The following ARHGAP31 variants were observed in gnomAD, a reference collection of about 807,000 sequenced individuals.
ARHGAP31 encodes Rho GTPase activating protein 31, also known as rho GTPase-activating protein 31.
Under a neutral mutation model 113.9 loss-of-function variants are expected in ARHGAP31, and 34 were observed. The observed-to-expected ratio is 0.30, with a 90% CI of 0.23 to 0.40. ARHGAP31 has a LOEUF of 0.40. Among genes scored for constraint, ARHGAP31 ranks in the 10% least tolerant of loss-of-function variants. The pLI, the probability that ARHGAP31 is intolerant of heterozygous loss-of-function variation, is 1.00. For synonymous variants in ARHGAP31, 650 were observed against 684.8 expected, an observed-to-expected ratio of 0.95 and a Z score of 0.79; for missense variants, 1,548 against 1,767.1, an observed-to-expected ratio of 0.88 and a Z score of 2.22.
chr3:119,294,845 A>T lies in ARHGAP31; in HGVS notation c.-60A>T. On this transcript the variant is annotated 5_prime_UTR_variant, in exon 1 of 12. Coordinates refer to ENST00000264245, the MANE Select transcript of ARHGAP31 (RefSeq NM_020754.4). ...GTGATCTAGCCCGGGAGCCCATCTTACAGCGGTGCCAAGCAGAGGGGCGGC... is the reference window on the plus strand; with the variant it reads ...GTGATCTAGCCCGGGAGCCCATCTTTCAGCGGTGCCAAGCAGAGGGGCGGC... The T allele has an allele frequency of 6.7e-7, 1 of 1,497,964 alleles. No homozygotes were observed. The highest frequency in any genetic ancestry group is 9.3e-7 in the Non-Finnish European group (1 of 1,075,302). 92.8% of individuals were successfully genotyped at this position (1,497,964 alleles called of 1,614,324 possible).
chr3:119,320,530 C>A lies in ARHGAP31; in HGVS notation c.100+25526C>A, dbSNP rs191732488. Among the ~76,000 whole-genome samples the A allele has an allele frequency of 6.6e-5, 10 of 152,284 alleles. No individual in the cohort carries two copies. The East Asian group carries it at 9.7e-4, about 15-fold the overall frequency. On this transcript the variant is annotated intron_variant, in intron 1 of 11. Transcript: ENST00000264245. Reference sequence around the variant, plus strand: ...ATATTATCCTGATAAATACAGTAAACCCATTGTAAACAAAACTTTTCATGA... The same window carrying A: ...ATATTATCCTGATAAATACAGTAAAACCATTGTAAACAAAACTTTTCATGA...
chr3:119,373,700 G>A (rs375752019), intron 3 of ARHGAP31, among the ~76,000 whole-genome samples: 6 of 152,090 alleles, frequency 3.9e-5, no homozygotes, highest in Non-Finnish European at 7.4e-5. Context: ...CTGACCTCAG[G>A]TGATCCACCT....
At chr3:119,378,182 C>T (rs6803082) in intron 3 of ARHGAP31, among the ~76,000 whole-genome samples, 1 of 152,114 alleles carries the variant, frequency 6.6e-6, no homozygotes, top group African/African-American at 2.4e-5. Flanking sequence ...AATTCTCTCA[C>T]AGGCAAAAAA....
chr3:119,337,184 C>T (rs2079960713), intron 1 of ARHGAP31, among the ~76,000 whole-genome samples: 1 of 152,162 alleles, frequency 6.6e-6, no homozygotes, highest in Non-Finnish European at 1.5e-5. Flanking sequence ...TGTTACAGTT[C>T]TTAGAGACGG....
At chr3:119,302,139 C>T (rs2079589813) in intron 1 of ARHGAP31, among the ~76,000 whole-genome samples, 1 of 152,228 alleles carries the variant, frequency 6.6e-6, no homozygotes, top group Non-Finnish European at 1.5e-5. Flanking sequence ...CCCCTATGCA[C>T]CAACAGAAAT....
rs567298836 is a variant in ARHGAP31 at position 119,379,775 on chromosome 3, T to C, written c.349-1129T>C. Among the ~76,000 whole-genome samples, 48 of 152,300 alleles carry C rather than the reference T, an allele frequency of 3.2e-4. 1 individual carries two copies. The South Asian group carries it at 9.5e-3, about 30-fold the overall frequency. On this transcript the variant is annotated intron_variant, in intron 3 of 11. Transcript: ENST00000264245. Reference sequence around the variant, plus strand: ...GGTGTATACATATGAAAAAAACTCATGGAGCTATAGCTTAAGATCTGCACA... The same window carrying C: ...GGTGTATACATATGAAAAAAACTCACGGAGCTATAGCTTAAGATCTGCACA...
chr3:119,295,601 C>A (rs1237575750), intron 1 of ARHGAP31, among the ~76,000 whole-genome samples: 1 of 152,004 alleles, frequency 6.6e-6, no homozygotes, highest in Non-Finnish European at 1.5e-5. Context: ...CCCTCCCCGC[C>A]CTGCAAGACC....
rs755514401 is a variant in ARHGAP31, at chr3:119,415,612, C to T, written c.3683C>T (p.Pro1228Leu). Reference sequence around the variant, plus strand: ...AGCTCAGGGGAGAATGGGGTTCAGCCTCTGGAGAGGAGCCAGGAGGGACCC... The same window carrying T: ...AGCTCAGGGGAGAATGGGGTTCAGCTTCTGGAGAGGAGCCAGGAGGGACCC... Reference protein sequence around the residue: ...SQSSGENGVQPLERSQEGPSS... With the variant: ...SQSSGENGVQLLERSQEGPSS... Residue 1228 changes from proline to leucine, a missense_variant, in exon 12 of 12, where the codon CCT becomes CTT. Transcript: ENST00000264245. The T allele has an allele frequency of 6.2e-6, 10 of 1,614,142 alleles. No individual in the cohort carries two copies. Among genetic ancestry groups the T allele is most frequent in the Middle Eastern group, 1.6e-4 (1 of 6,062 alleles).
Position 119,415,735 on chromosome 3 carries a change from C to T in ARHGAP31, c.3806C>T (p.Ala1269Val), listed in dbSNP as rs926263004. The T allele has an allele frequency of 6.2e-7, 1 of 1,614,160 alleles. No homozygotes were observed. The highest frequency in any genetic ancestry group is 1.1e-5 in the South Asian group (1 of 91,078). The change falls in exon 12 of 12, where the codon GCC (alanine) becomes GTC (valine). Residue 1269 changes from alanine to valine, a missense_variant. Physicochemically the swap from Ala to Val is moderately conservative, Grantham distance 64. Transcript: ENST00000264245. ...GAAAAACCAAAGCAAGATCCCGGAG[C>T]CATTAAGTCCTCACCAGTGGATGCC... ...KEEKPKQDPG[A>V]IKSSPVDATA...
intron 1 of ARHGAP31, among the ~76,000 whole-genome samples, chr3:119,350,532 G>A (rs1418564645): frequency 6.6e-6 from 1 of 152,164 alleles, no homozygotes; most frequent in African/African-American, 2.4e-5. Context: ...TACAGCCTGG[G>A]AAACCAGAGG....
At position 119,382,287 on chromosome 3, in the gene ARHGAP31, T is replaced by C; in HGVS notation, c.432-5T>C. On this transcript the variant is annotated splice_region_variant and splice_polypyrimidine_tract_variant and intron_variant, in intron 4 of 11. Coordinates refer to ENST00000264245, the MANE Select transcript of ARHGAP31 (RefSeq NM_020754.4). ...CTTACTTTGTCAAAAAACAAACCAT[T>C]CTAGGACCTTGGAATACCTGATTCG... The C allele has an allele frequency of 1.2e-6, 2 of 1,613,882 alleles. No homozygotes were observed. Among genetic ancestry groups the C allele is most frequent in the Non-Finnish European group, 1.7e-6 (2 of 1,179,808 alleles).
intron 3 of ARHGAP31, among the ~76,000 whole-genome samples, chr3:119,374,763 C>CTTT (rs2080333268): frequency 1.3e-5 from 2 of 152,328 alleles, no homozygotes; most frequent in South Asian, 4.1e-4. Context: ...CCTAGCCATG[C>CTTT]TTTCTGTTAA....
rs531240174 is a variant in ARHGAP31, at chr3:119,379,811, A to C, written c.349-1093A>C. On this transcript the variant is annotated intron_variant, in intron 3 of 11. Transcript: ENST00000264245. ...CTTAAGATCTGCACATTTTTAATAT[A>C]TGTAAATTATATCTCAGTGAAAAAG... Among the ~76,000 whole-genome samples the C allele has an allele frequency of 1.6e-4, 25 of 152,312 alleles. No homozygotes were observed. The East Asian group carries it at 4.6e-3, about 28-fold the overall frequency.
At chr3:119,336,522 G>T (rs1396634341) in intron 1 of ARHGAP31, among the ~76,000 whole-genome samples, 1 of 152,006 alleles carries the variant, frequency 6.6e-6, no homozygotes, top group African/African-American at 2.4e-5. Context: ...ACCAAGAGTG[G>T]GTTTTAATCA....
chr3:119,396,060 A>G (rs144700957), intron 8 of ARHGAP31, among the ~76,000 whole-genome samples: 2 of 152,366 alleles, frequency 1.3e-5, no homozygotes, highest in East Asian at 3.8e-4. Context: ...GAGGTTCACC[A>G]GTAATGAAAA....
intron 6 of ARHGAP31, among the ~76,000 whole-genome samples, chr3:119,386,669 T>A (rs1559988400): frequency 6.6e-6 from 1 of 152,128 alleles, no homozygotes; most frequent in Non-Finnish European, 1.5e-5. Context: ...CTACCACCAA[T>A]GTGCGGAGAC....
chr3:119,385,232 G>GTT lies in ARHGAP31; in HGVS notation c.682+2015_682+2016dup, dbSNP rs113712219. Among the ~76,000 whole-genome samples the GTT allele has an allele frequency of 4.0e-3, 601 of 149,266 alleles. 3 individuals are homozygous for GTT. Among genetic ancestry groups the GTT allele is most frequent in the African/African-American group, 0.012 (502 of 40,820 alleles). ...TGTGAACCACTGTGCCTAGCTGACT[G>GTT]TTTTTTTTTTCTTAGCATATGTTTT... On this transcript the variant is annotated intron_variant, in intron 6 of 11. Transcript: ENST00000264245.
At position 119,415,623 on chromosome 3, in the gene ARHGAP31, A is replaced by T; in HGVS notation, c.3694A>T (p.Ser1232Cys). Reference sequence around the variant, plus strand: ...GAATGGGGTTCAGCCTCTGGAGAGGAGCCAGGAGGGACCCAGCTCAACCAG... The same window carrying T: ...GAATGGGGTTCAGCCTCTGGAGAGGTGCCAGGAGGGACCCAGCTCAACCAG... ...GENGVQPLER[S>C]QEGPSSTSGT... Residue 1232 changes from serine (S) to cysteine (C), a missense_variant, in exon 12 of 12, where the codon AGC becomes TGC. Coordinates refer to ENST00000264245, the MANE Select transcript of ARHGAP31 (RefSeq NM_020754.4). The T allele has an allele frequency of 6.2e-7, 1 of 1,614,122 alleles. No homozygotes were observed. Among genetic ancestry groups the T allele is most frequent in the Non-Finnish European group, 8.5e-7 (1 of 1,180,016 alleles).
intron 3 of ARHGAP31, among the ~76,000 whole-genome samples, chr3:119,371,768 C>A (rs1018403839): frequency 5.3e-5 from 8 of 152,148 alleles, no homozygotes; most frequent in African/African-American, 1.9e-4. Flanking sequence ...AGCCTACTCC[C>A]AATCAAGTAG....
Sources: allele counts gnomAD v4.1 joint callset (sites outside exome capture counted in the v4.1 genomes callset), GRCh38; gene constraint gnomAD v4.1.1; transcripts MANE v1.5; gene names NCBI Gene and HGNC (gene_info 2026-07-23, HGNC 2026-07-21).